The following SLC6A15 variants were observed in gnomAD, a reference collection of about 807,000 sequenced individuals.
SLC6A15 encodes solute carrier family 6 member 15, also known as sodium-dependent neutral amino acid transporter B(0)AT2.
A neutral mutation model predicts 68.5 loss-of-function variants in SLC6A15; 33 were observed. The observed-to-expected ratio is 0.48, with a 90% CI of 0.37 to 0.64. SLC6A15 has a LOEUF of 0.64. Among genes scored for constraint, SLC6A15 ranks in the 30% least tolerant of loss-of-function variants. The pLI, the probability that SLC6A15 is intolerant of heterozygous loss-of-function variation, is 0.00. For missense variants in SLC6A15, 747 were observed against 874.3 expected, an observed-to-expected ratio of 0.85 and a Z score of 1.84; for synonymous variants, 347 against 301.0, an observed-to-expected ratio of 1.15 and a Z score of -1.58.
Position 84,873,143 on chromosome 12 carries a change from C to G in SLC6A15, c.1053G>C (p.Val351=). 1 of 1,614,056 alleles carries G rather than the reference C, an allele frequency of 6.2e-7. No individual in the cohort carries two copies. The highest frequency in any genetic ancestry group is 8.5e-7 in the Non-Finnish European group (1 of 1,179,984). The change falls in exon 7 of 12, where the codon GTG becomes GTC. Residue 351 remains valine (V), a synonymous_variant. Transcript: ENST00000266682. ...NFFTSVLATL[V]VFAVLGFKAN... Reference sequence around the variant, plus strand: ...CTTTGAAGCCCAGAACTGCAAACACCACCAATGTTGCCAGGACAGAAGTGA... The same window carrying G: ...CTTTGAAGCCCAGAACTGCAAACACGACCAATGTTGCCAGGACAGAAGTGA...
intron 2 of SLC6A15, among the ~76,000 whole-genome samples, chr12:84,886,779 A>G (rs1872126186): frequency 6.6e-6 from 1 of 152,182 alleles, no homozygotes; most frequent in African/African-American, 2.4e-5. Context: ...CTTGTAATAA[A>G]ATTTCCATAT....
rs1870774529 is a variant in SLC6A15 at position 84,859,919 on chromosome 12, G to T, written c.*1713C>A. ...ACTGGCAATGGTGATTGCCTTTAAA[G>T]ATGGAGAATGGATGGCCAGGAGAAA... On this transcript the variant is annotated 3_prime_UTR_variant, in exon 12 of 12. Transcript: ENST00000266682. 1 of 152,044 alleles carries T rather than the reference G, an allele frequency of 6.6e-6. No individual in the cohort carries two copies. The highest frequency in any genetic ancestry group is 6.6e-5 in the Admixed American group (1 of 15,262). The allele number at this position is 152,044 out of a possible 1,614,324, so 9.4% of individuals were successfully genotyped here. A position where few individuals can be genotyped will look rare whatever the true frequency, so the allele number is the denominator to read the frequency against.
At chr12:84,903,588 T>C (rs1377007520) in intron 1 of SLC6A15, among the ~76,000 whole-genome samples, 2 of 152,134 alleles carry the variant, frequency 1.3e-5, no homozygotes, top group African/African-American at 4.8e-5. Context: ...GGGGAGAACA[T>C]GAACCTTGCC....
chr12:84,872,878 T>C (rs544530009), intron 7 of SLC6A15, 84 bp from the exon 8 acceptor site: 4 of 1,234,982 alleles, frequency 3.2e-6, no homozygotes, highest in Non-Finnish European at 4.4e-6. Flanking sequence ...TATAAGCTAA[T>C]GAATGAGCAA....
At chr12:84,897,052 G>A (rs1019518140) in intron 1 of SLC6A15, among the ~76,000 whole-genome samples, 9 of 152,098 alleles carry the variant, frequency 5.9e-5, no homozygotes, top group African/African-American at 2.2e-4. Flanking sequence ...AATTAGCTGG[G>A]TGTGGTGGCA....
chr12:84,882,009 T>C (rs1447432085), intron 5 of SLC6A15: 1 of 978,578 alleles, frequency 1.0e-6, no homozygotes, highest in African/African-American at 1.8e-5. Flanking sequence ...ACTAAATAAA[T>C]TGTATTACAT....
At chr12:84,908,606 A>G (rs1321897279) in intron 1 of SLC6A15, among the ~76,000 whole-genome samples, 1 of 93,406 alleles carries the variant, frequency 1.1e-5, no homozygotes, top group Non-Finnish European at 2.0e-5. Context: ...AGAAACATAT[A>G]TATATATATA....
intron 1 of SLC6A15, among the ~76,000 whole-genome samples, chr12:84,908,859 T>A (rs1400603244): frequency 2.6e-5 from 4 of 152,076 alleles, no homozygotes; most frequent in African/African-American, 9.7e-5. Flanking sequence ...AGTTTTTCAC[T>A]CTAATAAATT....
At chr12:84,867,266 T>C in intron 9 of SLC6A15, 73 bp from the exon 10 acceptor site, 1 of 1,261,022 alleles carries the variant, frequency 7.9e-7, no homozygotes, top group Non-Finnish European at 1.1e-6. Flanking sequence ...TTATAAATTA[T>C]TATATTCAAA....
At chr12:84,886,675 G>GT (rs146766233) in intron 2 of SLC6A15, among the ~76,000 whole-genome samples, 6,175 of 151,200 alleles carry the variant, frequency 0.041, 396 homozygotes, top group African/African-American at 0.14. Context: ...TACACAAATA[G>GT]ATTTTGTTTT....
At chr12:84,874,735 T>C (rs774371725) in intron 6 of SLC6A15, among the ~76,000 whole-genome samples, 1 of 152,214 alleles carries the variant, frequency 6.6e-6, no homozygotes, top group Non-Finnish European at 1.5e-5. Context: ...ATCTCTGCTT[T>C]AGCCACTAGA....
At position 84,892,097 on chromosome 12, in the gene SLC6A15, T is replaced by TACC. The variant is rs764983787; in HGVS notation, c.21_23dup (p.Val8dup). On this transcript the variant is annotated inframe_insertion, in exon 2 of 12. Transcript: ENST00000266682. ...TAACATCATCATCTAATTCTCTTTT[T>TACC]ACCACCTTGCTATTTTTGGGCATTG... is the stretch of plus-strand genomic sequence containing the variant. The TACC allele has an allele frequency of 3.1e-6, 5 of 1,611,606 alleles. No individual in the cohort carries two copies. The South Asian group carries it at 5.5e-5, about 18-fold the overall frequency.
intron 5 of SLC6A15, chr12:84,882,683 A>G (rs1871876635): frequency 5.7e-6 from 1 of 175,170 alleles, no homozygotes; most frequent in African/African-American, 2.4e-5. Flanking sequence ...AGAACTTAAT[A>G]GCCACGAAAC....
intron 5 of SLC6A15, chr12:84,882,144 T>C: frequency 1.0e-6 from 1 of 985,396 alleles, no homozygotes; most frequent in Non-Finnish European, 1.2e-6. Context: ...AAACAAAACG[T>C]GGTAGTAAGA....
rs143168430 is a variant in SLC6A15 at position 84,907,913 on chromosome 12, T to A, written c.-189+4610A>T. Among the ~76,000 whole-genome samples the A allele has an allele frequency of 6.0e-3, 920 of 152,228 alleles. 3 individuals are homozygous for A. The highest frequency in any genetic ancestry group is 0.017 in the African/African-American group (727 of 41,548). Reference sequence around the variant, plus strand: ...TGAATCTACAGAAAATTATGCTGAGTGAAAAAACATCAATTCAAATACATT... The same window carrying A: ...TGAATCTACAGAAAATTATGCTGAGAGAAAAAACATCAATTCAAATACATT... On this transcript the variant is annotated intron_variant, in intron 1 of 11. Coordinates refer to ENST00000266682, the MANE Select transcript of SLC6A15 (RefSeq NM_182767.6).
In SLC6A15 at chr12:84,873,070, G is replaced by A. The variant is rs1473472542; in HGVS notation, c.1109+17C>T. On this transcript the variant is annotated intron_variant, in intron 7 of 11. Transcript: ENST00000266682. ...TAAAAACTAAGAAAAAAGGCAAATG[G>A]AAATTAATATTCATACTGTGTAATG... The A allele has an allele frequency of 6.2e-6, 10 of 1,602,832 alleles. No individual in the cohort carries two copies. The highest frequency in any genetic ancestry group is 1.7e-4 in the Middle Eastern group (1 of 5,992).
chr12:84,901,492 T>G (rs1872875388), intron 1 of SLC6A15, among the ~76,000 whole-genome samples: 1 of 151,868 alleles, frequency 6.6e-6, no homozygotes, highest in Non-Finnish European at 1.5e-5. Flanking sequence ...TTCTTTGTTT[T>G]TATCTTGACC....
intron 6 of SLC6A15, among the ~76,000 whole-genome samples, chr12:84,873,547 G>A (rs1201270840): frequency 6.6e-6 from 1 of 152,110 alleles, no homozygotes; most frequent in Non-Finnish European, 1.5e-5. Context: ...GAGATTTTAA[G>A]TACATGGGGA....
chr12:84,900,246 C>T (rs568269865), intron 1 of SLC6A15, among the ~76,000 whole-genome samples: 2 of 152,002 alleles, frequency 1.3e-5, no homozygotes, highest in Non-Finnish European at 2.9e-5. Context: ...GGTATGATTG[C>T]AAATTCTTTT....
Sources: gnomAD v4.1 joint callset for allele counts (sites outside exome capture counted in the v4.1 genomes callset) on GRCh38, gnomAD v4.1.1 for gene constraint, MANE v1.5 for transcripts, NCBI Gene and HGNC (gene_info 2026-07-23, HGNC 2026-07-21) for gene names.